STXBP5L: variants seen among roughly 807,000 people sequenced by gnomAD.
STXBP5L encodes syntaxin-binding protein 5-like.
STXBP5L carries 65 observed loss-of-function variants against 144.5 expected under a neutral mutation model. That is an observed-to-expected ratio of 0.45 (90% CI 0.37 to 0.55). The LOEUF is 0.55. Among genes scored for constraint, STXBP5L ranks in the 20% least tolerant of loss-of-function variants. The probability of loss-of-function intolerance (pLI) is 0.00; values close to 1 mark genes in which losing one functional copy is unlikely to be tolerated. For missense variants in STXBP5L, 1,298 were observed against 1,405.5 expected (o/e 0.92, Z 1.22); for synonymous variants, 505 against 469.6 (o/e 1.08, Z -0.97).
intron 19 of STXBP5L, among the ~76,000 whole-genome samples, chr3:121,298,086 C>G (rs2108482393): frequency 6.6e-6 from 1 of 152,270 alleles, no homozygotes; most frequent in East Asian, 1.9e-4. Flanking sequence ...TACCATTTTA[C>G]ATGCCCACCA....
At chr3:120,963,567 A>AT (rs1378807847) in intron 3 of STXBP5L, among the ~76,000 whole-genome samples, 1 of 152,128 alleles carries the variant, frequency 6.6e-6, no homozygotes, top group African/African-American at 2.4e-5. Context: ...TATTTGATGG[A>AT]TTATGTTTAT....
At chr3:120,920,885 T>C in intron 2 of STXBP5L, among the ~76,000 whole-genome samples, 1 of 151,954 alleles carries the variant, frequency 6.6e-6, no homozygotes, top group Non-Finnish European at 1.5e-5. Context: ...ATCCATTCAT[T>C]CATTGATGGG....
intron 3 of STXBP5L, among the ~76,000 whole-genome samples, chr3:120,992,453 C>A (rs1263921926): frequency 2.0e-5 from 3 of 152,088 alleles, no homozygotes; most frequent in Non-Finnish European, 4.4e-5. Flanking sequence ...GTCCTTCCCC[C>A]ATGCAGCCTT....
chr3:121,066,125 G>C (rs2041531150), intron 5 of STXBP5L, among the ~76,000 whole-genome samples: 2 of 152,098 alleles, frequency 1.3e-5, no homozygotes, highest in South Asian at 4.1e-4. Flanking sequence ...GCACACTCAA[G>C]GGCAAGAATA....
intron 20 of STXBP5L, among the ~76,000 whole-genome samples, chr3:121,352,816 G>A (rs556178153): frequency 1.3e-5 from 2 of 152,206 alleles, no homozygotes; most frequent in African/African-American, 4.8e-5. Context: ...TTGGGTGTGG[G>A]TTTGTCATAA....
intron 5 of STXBP5L, among the ~76,000 whole-genome samples, chr3:121,057,298 G>A (rs1948530038): frequency 6.6e-6 from 1 of 151,814 alleles, no homozygotes; most frequent in South Asian, 2.1e-4. Context: ...TCCCTCTATA[G>A]TATATTCTAA....
intron 5 of STXBP5L, among the ~76,000 whole-genome samples, chr3:121,108,319 T>G (rs1355369304): frequency 6.6e-6 from 1 of 152,230 alleles, no homozygotes; most frequent in Non-Finnish European, 1.5e-5. Flanking sequence ...TTCCAGCTTT[T>G]GCTCATTCAG....
At chr3:120,960,876 T>C (rs1173881527) in intron 3 of STXBP5L, among the ~76,000 whole-genome samples, 1 of 152,102 alleles carries the variant, frequency 6.6e-6, no homozygotes, top group East Asian at 1.9e-4. Flanking sequence ...AACCTGCACG[T>C]TGTGCACATG....
chr3:121,014,615 G>A (rs945414709), intron 3 of STXBP5L, among the ~76,000 whole-genome samples: 5 of 151,624 alleles, frequency 3.3e-5, no homozygotes, highest in African/African-American at 1.2e-4. Context: ...AACATTAGGT[G>A]TCTTATGGCA....
intron 9 of STXBP5L, among the ~76,000 whole-genome samples, chr3:121,185,129 C>G (rs976401028): frequency 6.6e-6 from 1 of 152,116 alleles, no homozygotes; most frequent in Non-Finnish European, 1.5e-5. Context: ...AGACCATCGA[C>G]ACTCTGAAGA....
At chr3:121,213,691 C>T (rs1358673596) in intron 10 of STXBP5L, among the ~76,000 whole-genome samples, 1 of 152,084 alleles carries the variant, frequency 6.6e-6, no homozygotes. Context: ...TGTTGTGTCT[C>T]TGCCAGGTTT....
In STXBP5L at chr3:121,407,233, G is replaced by T; in HGVS notation, c.2588-10G>T. Reference sequence around the variant, plus strand: ...TTTGACATGTCAGTGATGTCCAATTGTTTTTATAGGTACATTCCTCTCATT... The same window carrying T: ...TTTGACATGTCAGTGATGTCCAATTTTTTTTATAGGTACATTCCTCTCATT... On this transcript the variant is annotated splice_polypyrimidine_tract_variant and intron_variant, in intron 22 of 26. Coordinates refer to ENST00000471454, the MANE Select transcript of STXBP5L (RefSeq NM_001308330.2). 6.5e-7 allele frequency: 1 copy of T among 1,536,102 alleles called. No individual in the cohort carries two copies. Among genetic ancestry groups the T allele is most frequent in the Non-Finnish European group, 8.7e-7 (1 of 1,145,776 alleles).
chr3:121,381,167 C>T, intron 21 of STXBP5L, 126 bp from the exon 22 acceptor site: 2 of 925,392 alleles, frequency 2.2e-6, no homozygotes, highest in Non-Finnish European at 3.1e-6. Context: ...AGCTCCCTCT[C>T]AGGTCAATTA....
chr3:121,055,857 A>ATTT (rs5852260), intron 5 of STXBP5L, among the ~76,000 whole-genome samples: 1 of 137,492 alleles, frequency 7.3e-6, no homozygotes. Context: ...ACTAATGTTA[A>ATTT]TTTTTTTTTT....
At chr3:121,093,884 T>G (rs140180931) in intron 5 of STXBP5L, among the ~76,000 whole-genome samples, 15,108 of 152,250 alleles carry the variant, frequency 0.099, 1,180 homozygotes, top group Admixed American at 0.2. Flanking sequence ...TTTTGGATCT[T>G]TCCTGCTTTC....
At chr3:120,973,632 T>C (rs1219192766) in intron 3 of STXBP5L, among the ~76,000 whole-genome samples, 2 of 152,110 alleles carry the variant, frequency 1.3e-5, no homozygotes, top group Non-Finnish European at 2.9e-5. Flanking sequence ...CATTCTGGTG[T>C]GCTGCACCCA....
chr3:121,357,612 C>A (rs1005852986), intron 20 of STXBP5L: 2 of 152,186 alleles, frequency 1.3e-5, no homozygotes, highest in African/African-American at 4.8e-5. Flanking sequence ...GCAACATGTT[C>A]TTTACTGATG....
At chr3:120,914,067 T>A in intron 2 of STXBP5L, among the ~76,000 whole-genome samples, 1 of 151,952 alleles carries the variant, frequency 6.6e-6, no homozygotes, top group South Asian at 2.1e-4. Flanking sequence ...GAAAAGAAGA[T>A]TGTAGGAGGA....
chr3:121,293,505 A>G (rs1388237316), intron 19 of STXBP5L, among the ~76,000 whole-genome samples: 1 of 152,218 alleles, frequency 6.6e-6, no homozygotes. Context: ...ATTTTTTAAA[A>G]GAAGAACTAA....
Sources: allele counts gnomAD v4.1 joint callset (sites outside exome capture counted in the v4.1 genomes callset), GRCh38; gene constraint gnomAD v4.1.1; transcripts MANE v1.5; gene names NCBI Gene and HGNC (gene_info 2026-07-23, HGNC 2026-07-21).